Variants in SAMM50 observed in about 807,000 individuals in gnomAD.
The protein encoded by SAMM50 is sorting and assembly machinery component 50 homolog.
SAMM50 carries 47 observed loss-of-function variants against 66.9 expected under a neutral mutation model. The observed-to-expected ratio is 0.70, with a 90% CI of 0.56 to 0.90. The LOEUF (loss-of-function observed/expected upper bound fraction) is 0.90. SAMM50 is among the 40% of genes least tolerant of loss of function. The pLI, the probability that SAMM50 is intolerant of heterozygous loss-of-function variation, is 0.00. For synonymous variants in SAMM50, 191 were observed against 214.1 expected (o/e 0.89, Z 0.94); for missense variants, 535 against 595.3 (o/e 0.90, Z 1.05).
chr22:43,961,345 T>C (rs1216373683), intron 1 of SAMM50, among the ~76,000 whole-genome samples: 1 of 152,242 alleles, frequency 6.6e-6, no homozygotes, highest in African/African-American at 2.4e-5. Context: ...TGGTTAAGCA[T>C]GTGTCCCAGA....
chr22:43,973,439 C>A (rs1020975570), intron 7 of SAMM50, 116 bp downstream of exon 7: 2 of 664,694 alleles, frequency 3.0e-6, no homozygotes, highest in Admixed American at 2.2e-5. Flanking sequence ...CTGCCCTCCG[C>A]ACCAGGTACC....
chr22:43,976,941 T>A (rs58566860), intron 9 of SAMM50, 120 bp downstream of exon 9: 7 of 631,040 alleles, frequency 1.1e-5, no homozygotes, highest in Non-Finnish European at 1.9e-5. Context: ...TAATCGCACA[T>A]GCAGTATCGC....
At chr22:43,973,149 G>C in intron 6 of SAMM50, 87 bp from the exon 7 acceptor site, 3 of 1,316,764 alleles carry the variant, frequency 2.3e-6, no homozygotes, top group Non-Finnish European at 3.3e-6. Context: ...TGAGCCCTAC[G>C]GGCGTAGTGT....
At chr22:43,989,809 A>AT (rs2050313621) in intron 13 of SAMM50, among the ~76,000 whole-genome samples, 1 of 152,208 alleles carries the variant, frequency 6.6e-6, no homozygotes, top group Non-Finnish European at 1.5e-5. Context: ...CTGTTTGTCT[A>AT]TTTAATAAAC....
chr22:43,981,471 A>C lies in SAMM50; in HGVS notation c.1007+10A>C. 2 of 1,561,762 alleles carry C rather than the reference A, an allele frequency of 1.3e-6. No homozygotes were observed. The highest frequency in any genetic ancestry group is 1.8e-6 in the Non-Finnish European group (2 of 1,132,512). The stretch of plus-strand genomic sequence containing the variant: ...CAAGCATTGCTGATAGGTAAGTACT[A>C]ATCAATGAATGGATAATTTGCACAT... On this transcript the variant is annotated intron_variant, in intron 11 of 14. Transcript: ENST00000350028.
At chr22:43,976,624 C>G in intron 8 of SAMM50, 126 bp from the exon 9 acceptor site, 2 of 725,222 alleles carry the variant, frequency 2.8e-6, no homozygotes, top group Non-Finnish European at 4.9e-6. Context: ...TCCAAGGGCT[C>G]TGTGAACACG....
intron 12 of SAMM50, among the ~76,000 whole-genome samples, chr22:43,984,546 C>T (rs796359570): frequency 2.6e-5 from 4 of 151,788 alleles, no homozygotes; most frequent in Non-Finnish European, 2.9e-5. Context: ...CTCCTGACCT[C>T]GTGATCCGCC....
At chr22:43,964,431 C>T (rs944607541) in intron 2 of SAMM50, 21 bp from the exon 3 acceptor site, 8 of 1,361,988 alleles carry the variant, frequency 5.9e-6, no homozygotes, top group Non-Finnish European at 6.3e-6. Flanking sequence ...ATCCCTAATA[C>T]TGTCCCTGTG....
chr22:43,964,022 C>T (rs1344103655), intron 2 of SAMM50, among the ~76,000 whole-genome samples: 1 of 152,172 alleles, frequency 6.6e-6, no homozygotes, highest in Admixed American at 6.5e-5. Context: ...TTTCTCCTGC[C>T]TCAGCCTCCA....
At chr22:43,973,699 G>A (rs2050216141) in intron 7 of SAMM50, among the ~76,000 whole-genome samples, 2 of 152,144 alleles carry the variant, frequency 1.3e-5, no homozygotes, top group South Asian at 2.1e-4. Flanking sequence ...ACAATGGCAC[G>A]ATCTCGGCTC....
At position 43,988,669 on chromosome 22, in the gene SAMM50, C is replaced by T. The variant is rs1027985683; in HGVS notation, c.1076-442C>T. 7 of 153,858 alleles carry T rather than the reference C, an allele frequency of 4.5e-5. No individual in the cohort carries two copies. In the South Asian group the frequency reaches 6.1e-4, roughly 13 times the overall value. 9.5% of individuals were successfully genotyped at this position (153,858 alleles called of 1,614,324 possible). On this transcript the variant is annotated intron_variant, in intron 12 of 14. Transcript: ENST00000350028. ...CCTCTGCCTTTTGATTAATCATGTGCAGCTGTCTCCACACACTGCAGAGAC... is the reference window on the plus strand; with the variant it reads ...CCTCTGCCTTTTGATTAATCATGTGTAGCTGTCTCCACACACTGCAGAGAC...
At chr22:43,958,476 CTTTTTTTTTTT>C (rs3083316) in intron 1 of SAMM50, among the ~76,000 whole-genome samples, 1 of 112,586 alleles carries the variant, frequency 8.9e-6, no homozygotes, top group African/African-American at 3.5e-5. Context: ...TTATGGAGCT[CTTTTTTTTTTT>C]TTTTTTTTTG....
intron 14 of SAMM50, 111 bp from the exon 15 acceptor site, chr22:43,996,224 CAGG>C (rs1300102166): frequency 1.3e-5 from 15 of 1,133,124 alleles, no homozygotes; most frequent in Non-Finnish European, 1.6e-5. Context: ...AGGAAGGCAG[CAGG>C]AGGAGGAGGA....
chr22:43,973,152 C>A, intron 6 of SAMM50, 84 bp from the exon 7 acceptor site: 2 of 1,315,502 alleles, frequency 1.5e-6, no homozygotes, highest in Non-Finnish European at 2.2e-6. Context: ...GCCCTACGGG[C>A]GTAGTGTTAA....
Position 43,985,805 on chromosome 22 carries a change from C to T in SAMM50, c.1075+1805C>T, listed in dbSNP as rs559613070. ...GCTGCCAGGCGAGCTTCCGGGGTGG[C>T]CGCGTCCTTTTGCATTTCCCCAGTG... is the stretch of plus-strand genomic sequence containing the variant. On this transcript the variant is annotated intron_variant, in intron 12 of 14. Transcript: ENST00000350028. Among the ~76,000 whole-genome samples, 6 of 151,934 alleles carry T rather than the reference C, an allele frequency of 3.9e-5. No homozygotes were observed. In the East Asian group the frequency reaches 1.2e-3, roughly 29 times the overall value.
At position 43,964,129 on chromosome 22, in the gene SAMM50, C is replaced by A. The variant is rs140937524; in HGVS notation, c.133-323C>A. On this transcript the variant is annotated intron_variant, in intron 2 of 14. Transcript: ENST00000350028. ...GTCATGGCCAGCATTCATTCACAGG[C>A]CAGTGCTCAGCATGCATGTTAGGAA... Among the ~76,000 whole-genome samples the A allele has an allele frequency of 6.8e-4, 103 of 152,212 alleles. 1 individual carries two copies. Among genetic ancestry groups the A allele is most frequent in the African/African-American group, 2.3e-3 (97 of 41,524 alleles).
At chr22:43,963,708 G>GA (rs1365985096) in intron 2 of SAMM50, among the ~76,000 whole-genome samples, 1 of 152,044 alleles carries the variant, frequency 6.6e-6, no homozygotes, top group Non-Finnish European at 1.5e-5. Context: ...CCTACTCCCA[G>GA]AAAAAAGACT....
chr22:43,966,306 C>T (rs889468726), intron 3 of SAMM50, among the ~76,000 whole-genome samples: 1 of 151,732 alleles, frequency 6.6e-6, no homozygotes, highest in Admixed American at 6.6e-5. Flanking sequence ...GCGCACTCTG[C>T]AGTGTTCACT....
Position 43,991,223 on chromosome 22 carries a change from G to A in SAMM50, c.1364+817G>A, listed in dbSNP as rs550216657. On this transcript the variant is annotated intron_variant, in intron 14 of 14. Coordinates refer to ENST00000350028, the MANE Select transcript of SAMM50 (RefSeq NM_015380.5). ...AAACTCCTGACCTCGTGATCTGCCT[G>A]CCTCAGCCTCCCAAAGTGCTGGGAT... Among the ~76,000 whole-genome samples the A allele has an allele frequency of 8.7e-4, 131 of 151,424 alleles. 1 individual carries two copies. The highest frequency in any genetic ancestry group is 3.0e-3 in the African/African-American group (125 of 41,246).
Sources: gnomAD v4.1 joint callset for allele counts (sites outside exome capture counted in the v4.1 genomes callset) on GRCh38, gnomAD v4.1.1 for gene constraint, MANE v1.5 for transcripts, NCBI Gene and HGNC (gene_info 2026-07-23, HGNC 2026-07-21) for gene names.